ABI3BP: variants seen among roughly 807,000 people sequenced by gnomAD.
ABI3BP encodes target of Nesh-SH3.
A neutral mutation model predicts 268.6 loss-of-function variants in ABI3BP; 216 were observed. The observed-to-expected ratio is 0.80, with a 90% CI of 0.72 to 0.90. The LOEUF (loss-of-function observed/expected upper bound fraction) is 0.90. ABI3BP is among the 40% of genes least tolerant of loss of function. The pLI is 0.00. For missense variants in ABI3BP, 2,090 were observed against 2,182.4 expected (o/e 0.96, Z 0.84); for synonymous variants, 730 against 730.0 (o/e 1.00, Z 0.00).
chr3:100,764,774 T>A (rs1361019192), intron 63 of ABI3BP, among the ~76,000 whole-genome samples: 1 of 152,212 alleles, frequency 6.6e-6, no homozygotes. Flanking sequence ...CCTCTCGATC[T>A]AAGGAAATGC....
At chr3:100,775,968 G>T (rs752110945) in intron 59 of ABI3BP, among the ~76,000 whole-genome samples, 13 of 152,178 alleles carry the variant, frequency 8.5e-5, no homozygotes, top group Admixed American at 2.6e-4. Context: ...TCAGTGGCAG[G>T]CATGGAAGAT....
chr3:100,914,385 G>T, intron 2 of ABI3BP: 1 of 450,648 alleles, frequency 2.2e-6, no homozygotes, highest in Non-Finnish European at 4.5e-6. Flanking sequence ...TGCGGAACAG[G>T]CCCCTGGCAG....
intron 59 of ABI3BP, among the ~76,000 whole-genome samples, chr3:100,776,780 G>A (rs936452303): frequency 6.6e-6 from 1 of 152,186 alleles, no homozygotes; most frequent in Non-Finnish European, 1.5e-5. Context: ...TTCAGGCTGG[G>A]TGGGCTGTAC....
intron 57 of ABI3BP, among the ~76,000 whole-genome samples, chr3:100,783,825 CAGTG>C (rs2096942535): frequency 1.3e-5 from 2 of 152,178 alleles, no homozygotes; most frequent in Admixed American, 6.5e-5. Flanking sequence ...CAGAAACAGG[CAGTG>C]AGCCAGATTT....
chr3:100,816,390 A>C (rs2098046141), intron 43 of ABI3BP: 1 of 522,566 alleles, frequency 1.9e-6, no homozygotes, highest in Non-Finnish European at 3.4e-6. Context: ...TTCAATGCAG[A>C]TATAGCAATA....
chr3:100,823,454 T>G lies in ABI3BP; in HGVS notation c.2803+4A>C. On this transcript the variant is annotated splice_donor_region_variant and intron_variant, in intron 37 of 67. Transcript: ENST00000471714. ...GCTTGTCGAAAACACTGTATCAACG[T>G]TACCTAATGTTGTTGAGGCCTCAGG... is the stretch of plus-strand genomic sequence containing the variant. 6.5e-7 allele frequency: 1 copy of G among 1,532,366 alleles called. No individual in the cohort carries two copies. Among genetic ancestry groups the G allele is most frequent in the Admixed American group, 2.0e-5 (1 of 50,548 alleles). 94.9% of individuals were successfully genotyped at this position (1,532,366 alleles called of 1,614,324 possible).
intron 44 of ABI3BP, among the ~76,000 whole-genome samples, chr3:100,813,941 AT>A (rs34347988): frequency 7.2e-5 from 11 of 151,870 alleles, no homozygotes; most frequent in Non-Finnish European, 1.5e-4. Flanking sequence ...TGATTCTCAC[AT>A]TTTTTTTAAG....
intron 6 of ABI3BP, among the ~76,000 whole-genome samples, chr3:100,884,796 C>T (rs1050350422): frequency 4.6e-5 from 7 of 152,020 alleles, no homozygotes; most frequent in African/African-American, 7.2e-5. Flanking sequence ...AATATAATGT[C>T]CTTTGTTACT....
Position 100,851,820 on chromosome 3 carries a change from C to T in ABI3BP, c.1351+55G>A, listed in dbSNP as rs542925831. 634 of 1,428,478 alleles carry T rather than the reference C, an allele frequency of 4.4e-4. 8 individuals carry two copies. The South Asian group carries it at 7.0e-3, about 16-fold the overall frequency. 88.5% of individuals were successfully genotyped at this position (1,428,478 alleles called of 1,614,324 possible). A position where few individuals can be genotyped will look rare whatever the true frequency, so the allele number is the denominator to read the frequency against. On this transcript the variant is annotated intron_variant, in intron 15 of 67. Transcript: ENST00000471714. ...ACTCTGCAAAAACTAAAGGAAGAAC[C>T]ACCAAGTGTTGGAACACCTGGGATC...
In ABI3BP at chr3:100,820,240, T is replaced by A. The variant is rs757321500; in HGVS notation, c.3011A>T (p.Glu1004Val). 7.2e-6 allele frequency: 11 copies of A among 1,536,102 alleles called. 1 individual carries two copies. In the South Asian group the frequency reaches 9.5e-5, roughly 13 times the overall value. ...RPKTKTTPSP[E>V]VPQTKLVPST... is the part of the protein sequence containing the mutation. ...TTTACCCAGTTTGGTTTGAGGAACCTCAGGACTTGGTGTGGTTTTAGTTTT... is the reference window on the plus strand; with the variant it reads ...TTTACCCAGTTTGGTTTGAGGAACCACAGGACTTGGTGTGGTTTTAGTTTT... Residue 1004 changes from glutamate to valine, a missense_variant, in exon 40 of 68, where the codon GAG (glutamate) becomes GTG (valine). Coordinates refer to ENST00000471714, the MANE Select transcript of ABI3BP (RefSeq NM_001375547.2).
At chr3:100,750,641 C>T (rs1559764598) in intron 67 of ABI3BP, 31 bp from the exon 68 acceptor site, 1 of 1,526,328 alleles carries the variant, frequency 6.6e-7, no homozygotes, top group East Asian at 2.3e-5. Flanking sequence ...ATTTTAATAG[C>T]TGCTGTATTA....
At chr3:100,956,405 G>A (rs1351339329) in intron 1 of ABI3BP, among the ~76,000 whole-genome samples, 1 of 152,076 alleles carries the variant, frequency 6.6e-6, no homozygotes, top group African/African-American at 2.4e-5. Context: ...AGTAGGTTGT[G>A]CACAAAAGGG....
At chr3:100,951,668 G>T (rs1014233841) in intron 1 of ABI3BP, among the ~76,000 whole-genome samples, 1 of 151,938 alleles carries the variant, frequency 6.6e-6, no homozygotes, top group African/African-American at 2.4e-5. Context: ...TGAGGAGTCA[G>T]GTTTTATATA....
At chr3:100,968,147 C>G (rs551845746) in intron 1 of ABI3BP, among the ~76,000 whole-genome samples, 32 of 152,316 alleles carry the variant, frequency 2.1e-4, no homozygotes, top group African/African-American at 7.5e-4. Flanking sequence ...AAGTTACTTT[C>G]AGCCTTTTAT....
In ABI3BP at chr3:100,750,315, T is replaced by G. The variant is rs1298093665; in HGVS notation, c.*180A>C. The G allele has an allele frequency of 2.0e-6, 1 of 490,112 alleles. No individual in the cohort carries two copies. The highest frequency in any genetic ancestry group is 3.9e-5 in the Admixed American group (1 of 25,616). The allele number at this position is 490,112 out of a possible 1,614,324, so 30.4% of individuals were successfully genotyped here. A position where few individuals can be genotyped will look rare whatever the true frequency, so the allele number is the denominator to read the frequency against. ...CAGTATCTTGCTTTCTTAAAATGACTTTGTAAAACCTGATAAATACTCTCA... is the reference window on the plus strand; with the variant it reads ...CAGTATCTTGCTTTCTTAAAATGACGTTGTAAAACCTGATAAATACTCTCA... On this transcript the variant is annotated 3_prime_UTR_variant, in exon 68 of 68. Coordinates refer to ENST00000471714, the MANE Select transcript of ABI3BP (RefSeq NM_001375547.2).
intron 21 of ABI3BP, among the ~76,000 whole-genome samples, chr3:100,841,127 A>T (rs1439623269): frequency 6.6e-6 from 1 of 150,888 alleles, no homozygotes; most frequent in East Asian, 2.0e-4. Flanking sequence ...TGTGACTGTA[A>T]TAAAGTAACC....
At chr3:100,980,173 A>G (rs1220395571) in intron 1 of ABI3BP, among the ~76,000 whole-genome samples, 3 of 152,224 alleles carry the variant, frequency 2.0e-5, no homozygotes, top group Admixed American at 1.3e-4. Context: ...TATGTTGATC[A>G]TTCAAAAATT....
intron 1 of ABI3BP, among the ~76,000 whole-genome samples, chr3:100,954,522 T>G (rs2076172736): frequency 6.6e-6 from 1 of 152,194 alleles, no homozygotes; most frequent in Non-Finnish European, 1.5e-5. Context: ...CCTTATCCAT[T>G]TCCTCTATCC....
Position 100,774,613 on chromosome 3 carries a change from C to T in ABI3BP, c.4523G>A (p.Arg1508Lys). 1 of 1,581,494 alleles carries T rather than the reference C, an allele frequency of 6.3e-7. No individual in the cohort carries two copies. The highest frequency in any genetic ancestry group is 8.6e-7 in the Non-Finnish European group (1 of 1,163,324). ...TRETDPLGKP[R>K]FKGPHVRYIQ... ...CAGCCAGTCATACATACCTTTGAAT[C>T]TTGGCTTCCCAAGAGGATCAGTTTC... The change falls in exon 61 of 68, where the codon AGA (arginine) becomes AAA (lysine). Residue 1508 changes from arginine to lysine, a missense_variant. Physicochemically the swap from Arg to Lys is conservative, Grantham distance 26. Coordinates refer to ENST00000471714, the MANE Select transcript of ABI3BP (RefSeq NM_001375547.2).
Sources: gnomAD v4.1 joint callset for allele counts (sites outside exome capture counted in the v4.1 genomes callset) on GRCh38, gnomAD v4.1.1 for gene constraint, MANE v1.5 for transcripts, NCBI Gene and HGNC (gene_info 2026-07-23, HGNC 2026-07-21) for gene names.